Variants in SCFD2 observed in about 807,000 individuals in gnomAD.
SCFD2 encodes the protein sec1 family domain containing 2, also known as sec1 family domain-containing protein 2.
In SCFD2, 54 loss-of-function variants were observed where a neutral mutation model predicts 58.9. That is an observed-to-expected ratio of 0.92 (90% confidence interval 0.74 to 1.15). The LOEUF (loss-of-function observed/expected upper bound fraction) is 1.15. SCFD2 is among the 50% of genes most tolerant of loss of function. The pLI is 0.00. For synonymous variants in SCFD2, 321 were observed against 335.9 expected (o/e 0.96, Z 0.49); for missense variants, 805 against 836.6 (o/e 0.96, Z 0.47).
intron 4 of SCFD2, among the ~76,000 whole-genome samples, chr4:53,247,582 G>A (rs925166834): frequency 1.8e-4 from 27 of 152,068 alleles, no homozygotes; most frequent in African/African-American, 4.8e-4. Flanking sequence ...AGATCAGGCC[G>A]GGCGCGGTGG....
chr4:52,986,722 A>G (rs1721504737), intron 5 of SCFD2, among the ~76,000 whole-genome samples: 1 of 151,836 alleles, frequency 6.6e-6, no homozygotes, highest in African/African-American at 2.4e-5. Context: ...GATGGTCTCG[A>G]TCTCCTGACC....
intron 5 of SCFD2, among the ~76,000 whole-genome samples, chr4:53,126,460 C>T (rs1725631800): frequency 6.6e-6 from 1 of 152,172 alleles, no homozygotes; most frequent in South Asian, 2.1e-4. Context: ...GGATTACAGG[C>T]ATGTGCCACC....
intron 4 of SCFD2, among the ~76,000 whole-genome samples, chr4:53,227,273 TA>T (rs1457271013): frequency 6.6e-6 from 1 of 152,160 alleles, no homozygotes; most frequent in Non-Finnish European, 1.5e-5. Context: ...GGACATTGTA[TA>T]TGAGAGATGT....
In SCFD2 at chr4:52,907,353, G is replaced by A. The variant is rs1206272218; in HGVS notation, c.1842+104C>T. 1.4e-5 allele frequency: 16 copies of A among 1,124,318 alleles called. No homozygotes were observed. The South Asian group carries it at 2.2e-4, about 16-fold the overall frequency. 69.6% of individuals were successfully genotyped at this position (1,124,318 alleles called of 1,614,324 possible). ...TTTTAGAAGAGCCAAAATACCAAAT[G>A]TTATCTGTATGGTGCTGGCTAGGGT... On this transcript the variant is annotated intron_variant, in intron 7 of 8. Transcript: ENST00000401642.
At chr4:53,083,678 T>C (rs1279734842) in intron 5 of SCFD2, among the ~76,000 whole-genome samples, 1 of 151,958 alleles carries the variant, frequency 6.6e-6, no homozygotes, top group Non-Finnish European at 1.5e-5. Context: ...AGCTGAGAAA[T>C]AAAGAGAGAC....
intron 8 of SCFD2, among the ~76,000 whole-genome samples, chr4:52,883,555 G>A (rs963700260): frequency 2.6e-5 from 4 of 152,150 alleles, no homozygotes; most frequent in African/African-American, 9.7e-5. Flanking sequence ...AGATTCCGGG[G>A]CTCTGTTGTC....
Position 53,348,717 on chromosome 4 carries a change from A to ATT in SCFD2, c.1007+3879_1007+3880dup, listed in dbSNP as rs200497451. Among the ~76,000 whole-genome samples the ATT allele has an allele frequency of 7.9e-3, 1,113 of 141,676 alleles. 6 individuals are homozygous for ATT. The highest frequency in any genetic ancestry group is 0.045 in the Middle Eastern group (12 of 268). The allele number at this position is 141,676 out of a possible 152,430, so 92.9% of individuals were successfully genotyped here. A position where few individuals can be genotyped will look rare whatever the true frequency, so the allele number is the denominator to read the frequency against. On this transcript the variant is annotated intron_variant, in intron 2 of 8. Transcript: ENST00000401642. ...ACTCATCTTTGACACTTATGACCAT[A>ATT]TTTTTTTTTTTTTTTGAGACAGGGT...
chr4:53,338,584 T>TTTTTTTTTTTTTTTC (rs1733756199), intron 2 of SCFD2, among the ~76,000 whole-genome samples: 1 of 74,144 alleles, frequency 1.3e-5, no homozygotes, highest in African/African-American at 4.4e-5. Context: ...TCTTTTTTTT[T>TTTTTTTTTTTTTTTC]TTTTTTTTTT....
At chr4:52,954,630 C>T (rs1450997042) in intron 5 of SCFD2, among the ~76,000 whole-genome samples, 1 of 152,106 alleles carries the variant, frequency 6.6e-6, no homozygotes, top group Non-Finnish European at 1.5e-5. Context: ...GAGAAAGGAA[C>T]AAGCAGTCTA....
intron 3 of SCFD2, among the ~76,000 whole-genome samples, 188 bp from the exon 4 acceptor site, chr4:53,274,189 C>T (rs925095818): frequency 6.6e-6 from 1 of 152,150 alleles, no homozygotes; most frequent in Non-Finnish European, 1.5e-5. Flanking sequence ...ATTATTAATA[C>T]CTGCATTTTG....
intron 1 of SCFD2, among the ~76,000 whole-genome samples, chr4:53,355,052 C>T (rs539607627): frequency 6.6e-6 from 1 of 152,126 alleles, no homozygotes; most frequent in East Asian, 1.9e-4. Flanking sequence ...TCTGTATGAT[C>T]CTGTGGATTT....
chr4:53,176,310 A>G (rs1158447608), intron 4 of SCFD2, among the ~76,000 whole-genome samples: 2 of 152,218 alleles, frequency 1.3e-5, no homozygotes, highest in African/African-American at 4.8e-5. Flanking sequence ...GACAACACTC[A>G]AAGGAAATTT....
At chr4:53,050,388 A>G (rs948687264) in intron 5 of SCFD2, among the ~76,000 whole-genome samples, 3 of 152,306 alleles carry the variant, frequency 2.0e-5, no homozygotes, top group African/African-American at 7.2e-5. Flanking sequence ...TCGTGATTAA[A>G]CGAATCAAGA....
At chr4:53,066,898 T>C (rs1449710703) in intron 5 of SCFD2, among the ~76,000 whole-genome samples, 1 of 152,020 alleles carries the variant, frequency 6.6e-6, no homozygotes, top group African/African-American at 2.4e-5. Flanking sequence ...ATTCAATCCA[T>C]GCTCTCCCAT....
intron 8 of SCFD2, among the ~76,000 whole-genome samples, chr4:52,877,856 G>A (rs758688694): frequency 8.5e-5 from 13 of 152,150 alleles, no homozygotes; most frequent in Non-Finnish European, 1.5e-4. Flanking sequence ...CAGCCCTCCC[G>A]GAGAGCATCA....
chr4:53,008,492 T>C (rs969893088), intron 5 of SCFD2, among the ~76,000 whole-genome samples: 5 of 152,196 alleles, frequency 3.3e-5, no homozygotes, highest in African/African-American at 1.2e-4. Flanking sequence ...TTTAAACTTA[T>C]CATATTCATT....
chr4:53,114,682 G>A (rs1347762430), intron 5 of SCFD2, among the ~76,000 whole-genome samples: 1 of 152,120 alleles, frequency 6.6e-6, no homozygotes, highest in Admixed American at 6.6e-5. Context: ...TAAGAGAATT[G>A]CTTCAGGAAG....
In SCFD2 at chr4:53,352,783, G is replaced by T. The variant is rs777776058; in HGVS notation, c.839-17C>A. The T allele has an allele frequency of 8.8e-6, 14 of 1,598,992 alleles. No individual in the cohort carries two copies. Among genetic ancestry groups the T allele is most frequent in the Non-Finnish European group, 1.2e-5 (14 of 1,168,392 alleles). On this transcript the variant is annotated splice_polypyrimidine_tract_variant and intron_variant, in intron 1 of 8. Coordinates refer to ENST00000401642, the MANE Select transcript of SCFD2 (RefSeq NM_152540.4). ...CAACTGCTCCTGTTTAAGCAGACAA[G>T]ATGATGTAAATTCATAAAATGGGAG... is the stretch of plus-strand genomic sequence containing the variant.
intron 3 of SCFD2, among the ~76,000 whole-genome samples, chr4:53,282,616 AC>A (rs1408361951): frequency 3.9e-5 from 6 of 152,224 alleles, no homozygotes; most frequent in African/African-American, 1.4e-4. Flanking sequence ...CTAAAAAGAA[AC>A]CCCATACCCA....
Sources: gnomAD v4.1 joint callset for allele counts (sites outside exome capture counted in the v4.1 genomes callset) on GRCh38, gnomAD v4.1.1 for gene constraint, MANE v1.5 for transcripts, NCBI Gene and HGNC (gene_info 2026-07-23, HGNC 2026-07-21) for gene names.